Variants in ZNF407 observed in about 807,000 individuals in gnomAD.
ZNF407 encodes the protein zinc finger protein 407.
In ZNF407, 17 loss-of-function variants were observed where a neutral mutation model predicts 131.2. That is an observed-to-expected ratio of 0.13 (90% CI 0.09 to 0.19). The LOEUF is 0.19. Ranked by LOEUF, ZNF407 falls within the 10% of genes least tolerant of loss-of-function variation. The pLI, the probability that ZNF407 is intolerant of heterozygous loss-of-function variation, is 1.00. For synonymous variants in ZNF407, 1,156 were observed against 1,062.0 expected, an observed-to-expected ratio of 1.09 and a Z score of -1.72; for missense variants, 2,681 against 2,830.6, an observed-to-expected ratio of 0.95 and a Z score of 1.20.
At position 74,633,047 on chromosome 18, in the gene ZNF407, T is replaced by A; in HGVS notation, c.2028T>A (p.Asp676Glu). The change falls in exon 2 of 9, where the codon GAT becomes GAA. Residue 676 changes from aspartate to glutamate, a missense_variant. By Grantham distance (45) the Asp-to-Glu change is conservative (BLOSUM62 2). Coordinates refer to ENST00000299687, the MANE Select transcript of ZNF407 (RefSeq NM_017757.3). ...LESENAKESMDDSGKASQEEP... is the reference protein window; with the variant it reads ...LESENAKESMEDSGKASQEEP... ...CAGAAAACGCAAAAGAGTCTATGGATGACTCAGGAAAAGCATCTCAGGAAG... is the reference window on the plus strand; with the variant it reads ...CAGAAAACGCAAAAGAGTCTATGGAAGACTCAGGAAAAGCATCTCAGGAAG... 1 of 1,613,878 alleles carries A rather than the reference T, an allele frequency of 6.2e-7. No homozygotes were observed. Among genetic ancestry groups the A allele is most frequent in the Non-Finnish European group, 8.5e-7 (1 of 1,179,896 alleles).
intron 7 of ZNF407, among the ~76,000 whole-genome samples, chr18:74,904,814 A>C (rs962797753): frequency 6.6e-6 from 1 of 152,184 alleles, no homozygotes. Flanking sequence ...CTGGGTGAAA[A>C]TCTCATATGA....
intron 8 of ZNF407, among the ~76,000 whole-genome samples, chr18:75,030,958 G>T (rs1973232846): frequency 6.6e-6 from 1 of 152,186 alleles, no homozygotes; most frequent in Non-Finnish European, 1.5e-5. Flanking sequence ...TGACTTCCCA[G>T]TCATTAATAA....
intron 4 of ZNF407, among the ~76,000 whole-genome samples, chr18:74,832,447 G>A (rs537893127): frequency 6.8e-6 from 1 of 148,060 alleles, no homozygotes; most frequent in Non-Finnish European, 1.5e-5. Flanking sequence ...ATTTAAGTTG[G>A]TTTTTTTTTT....
chr18:74,710,186 C>T (rs1366291355), intron 3 of ZNF407, among the ~76,000 whole-genome samples: 1 of 152,146 alleles, frequency 6.6e-6, no homozygotes, highest in African/African-American at 2.4e-5. Context: ...GATTTTTGCA[C>T]ATTACCTCTG....
intron 2 of ZNF407, among the ~76,000 whole-genome samples, chr18:74,636,709 A>G (rs559576397): frequency 1.3e-5 from 2 of 152,332 alleles, no homozygotes; most frequent in African/African-American, 4.8e-5. Flanking sequence ...GTGATTAAAG[A>G]TAGATAAAAG....
intron 3 of ZNF407, among the ~76,000 whole-genome samples, chr18:74,651,382 A>G (rs779380823): frequency 6.6e-6 from 1 of 152,150 alleles, no homozygotes; most frequent in African/African-American, 2.4e-5. Flanking sequence ...TACGAGTGTC[A>G]TCTATTGTGT....
At chr18:74,728,702 C>G (rs1046637032) in intron 3 of ZNF407, among the ~76,000 whole-genome samples, 1 of 152,154 alleles carries the variant, frequency 6.6e-6, no homozygotes, top group African/African-American at 2.4e-5. Flanking sequence ...GTGCTTCTGA[C>G]TCTCTTAGAT....
chr18:74,753,311 C>T (rs769384498), intron 3 of ZNF407, among the ~76,000 whole-genome samples: 71 of 152,198 alleles, frequency 4.7e-4, no homozygotes, highest in Non-Finnish European at 8.8e-4. Context: ...CAAACAGGCA[C>T]AATTTGACTT....
intron 4 of ZNF407, among the ~76,000 whole-genome samples, chr18:74,786,642 G>T (rs1237661791): frequency 6.6e-6 from 1 of 151,754 alleles, no homozygotes. Context: ...GGGGAAGGGG[G>T]TTATATTTCG....
intron 4 of ZNF407, among the ~76,000 whole-genome samples, chr18:74,798,422 C>T (rs550494010): frequency 2.0e-5 from 3 of 152,046 alleles, no homozygotes; most frequent in South Asian, 2.1e-4. Flanking sequence ...GTAGGAAGAA[C>T]ATAACCAATT....
intron 3 of ZNF407, among the ~76,000 whole-genome samples, chr18:74,733,496 T>G (rs925311894): frequency 6.6e-6 from 1 of 152,234 alleles, no homozygotes; most frequent in Non-Finnish European, 1.5e-5. Flanking sequence ...CCATTTTATC[T>G]GTTTCTTATC....
At chr18:74,883,894 A>G (rs990429478) in intron 6 of ZNF407, among the ~76,000 whole-genome samples, 1 of 152,226 alleles carries the variant, frequency 6.6e-6, no homozygotes, top group Non-Finnish European at 1.5e-5. Flanking sequence ...AGGTACTGTT[A>G]TGTAGGAGGG....
intron 3 of ZNF407, among the ~76,000 whole-genome samples, chr18:74,706,808 C>G (rs564564125): frequency 2.7e-4 from 41 of 152,266 alleles, no homozygotes; most frequent in South Asian, 1.0e-3. Context: ...GAAAGATCTT[C>G]CTGCCTCATT....
chr18:74,940,141 T>C (rs1972080506), intron 8 of ZNF407, among the ~76,000 whole-genome samples: 1 of 152,220 alleles, frequency 6.6e-6, no homozygotes, highest in South Asian at 2.1e-4. Flanking sequence ...ACTTGCTCCA[T>C]GTAGGGATCA....
intron 8 of ZNF407, among the ~76,000 whole-genome samples, chr18:74,924,574 AAT>A (rs1971888114): frequency 6.6e-6 from 1 of 152,118 alleles, no homozygotes; most frequent in African/African-American, 2.4e-5. Flanking sequence ...CCCATCCATA[AAT>A]AAGCTTGGTA....
intron 8 of ZNF407, among the ~76,000 whole-genome samples, chr18:74,948,653 C>T (rs1383109943): frequency 6.6e-6 from 1 of 152,178 alleles, no homozygotes; most frequent in East Asian, 1.9e-4. Context: ...TCTCTCATCA[C>T]ATCCATATGA....
At chr18:74,777,733 C>CTG (rs1969502641) in intron 3 of ZNF407, among the ~76,000 whole-genome samples, 1 of 79,910 alleles carries the variant, frequency 1.3e-5, no homozygotes, top group South Asian at 4.4e-4. Flanking sequence ...CGATCGCACT[C>CTG]TCTCTCTCTC....
intron 4 of ZNF407, among the ~76,000 whole-genome samples, chr18:74,787,968 TC>T (rs1969752201): frequency 6.6e-6 from 1 of 152,200 alleles, no homozygotes; most frequent in South Asian, 2.1e-4. Flanking sequence ...TGGTCTTTAT[TC>T]CAGAGAAAGT....
At chr18:74,683,027 T>A (rs1374558129) in intron 3 of ZNF407, among the ~76,000 whole-genome samples, 1 of 152,212 alleles carries the variant, frequency 6.6e-6, no homozygotes, top group Non-Finnish European at 1.5e-5. Flanking sequence ...ATTGGTTAGC[T>A]GTTGTTAGTA....
Sources: allele counts gnomAD v4.1 joint callset (sites outside exome capture counted in the v4.1 genomes callset), GRCh38; gene constraint gnomAD v4.1.1; transcripts MANE v1.5; gene names NCBI Gene and HGNC (gene_info 2026-07-23, HGNC 2026-07-21).